ABCA1: variants seen among roughly 807,000 people sequenced by gnomAD.
ABCA1 encodes the protein phospholipid-transporting ATPase ABCA1.
A neutral mutation model predicts 262.5 loss-of-function variants in ABCA1; 133 were observed. The observed-to-expected ratio is 0.51, with a 90% CI of 0.44 to 0.59. The LOEUF (loss-of-function observed/expected upper bound fraction) is 0.59, where lower values mean the gene tolerates loss of function less well. Among genes scored for constraint, ABCA1 ranks in the 20% least tolerant of loss-of-function variants. ABCA1 has a pLI of 0.00. For synonymous variants in ABCA1, 1,022 were observed against 1,043.5 expected (o/e 0.98, Z 0.40); for missense variants, 2,452 against 2,777.5 (o/e 0.88, Z 2.63).
At chr9:104,861,451 AATTTT>A (rs1836375315) in intron 6 of ABCA1, 2 of 611,212 alleles carry the variant, frequency 3.3e-6, no homozygotes, top group Admixed American at 5.9e-5. Flanking sequence ...GCCAGAAATC[AATTTT>A]ATTTTAACCA....
chr9:104,903,543 C>T (rs1840838492), intron 2 of ABCA1, 71 bp downstream of exon 2: 2 of 1,471,642 alleles, frequency 1.4e-6, no homozygotes, highest in African/African-American at 1.4e-5. Flanking sequence ...TCCCTCCCTC[C>T]TCCAATCCCC....
chr9:104,832,558 C>T lies in ABCA1; in HGVS notation c.1509+16G>A. 3 of 1,613,928 alleles carry T rather than the reference C, an allele frequency of 1.9e-6. No individual in the cohort carries two copies. In the East Asian group the frequency reaches 6.7e-5, roughly 36 times the overall value. The stretch of plus-strand genomic sequence containing the variant: ...GCCGTTAAGTCTTTTCTAAATGATC[C>T]CAGCAACAGATTCACCTCCATGAAG... On this transcript the variant is annotated intron_variant, in intron 12 of 49. Transcript: ENST00000374736.
At chr9:104,826,777 A>T (rs920136968) in intron 16 of ABCA1, among the ~76,000 whole-genome samples, 171 bp downstream of exon 16, 1 of 152,242 alleles carries the variant, frequency 6.6e-6, no homozygotes, top group Non-Finnish European at 1.5e-5. Flanking sequence ...AAACAATTTA[A>T]TAAAACACAA....
At chr9:104,873,509 A>G (rs1040229846) in intron 5 of ABCA1, among the ~76,000 whole-genome samples, 1 of 152,186 alleles carries the variant, frequency 6.6e-6, no homozygotes, top group Non-Finnish European at 1.5e-5. Flanking sequence ...CAGCCAGCCC[A>G]TGCCCCATGT....
intron 7 of ABCA1, among the ~76,000 whole-genome samples, chr9:104,852,491 A>G (rs955818548): frequency 6.6e-5 from 10 of 152,234 alleles, no homozygotes; most frequent in African/African-American, 2.4e-4. Context: ...ATCTACTACC[A>G]CATAATTCAG....
intron 2 of ABCA1, among the ~76,000 whole-genome samples, chr9:104,891,819 G>A (rs1212924394): frequency 2.0e-5 from 3 of 151,492 alleles, no homozygotes; most frequent in Admixed American, 6.6e-5. Context: ...TACAAAATTA[G>A]CCGGGCGTGG....
Position 104,821,441 on chromosome 9 carries a change from C to A in ABCA1, c.2894G>T (p.Arg965Leu). 1.2e-6 allele frequency: 2 copies of A among 1,614,082 alleles called. No homozygotes were observed. Among genetic ancestry groups the A allele is most frequent in the South Asian group, 2.2e-5 (2 of 91,080 alleles). The change falls in exon 20 of 50, where the codon CGC becomes CTC. Residue 965 changes from arginine to leucine, a missense_variant. Coordinates refer to ENST00000374736, the MANE Select transcript of ABCA1 (RefSeq NM_005502.4). Reference protein sequence around the residue: ...GTAYILGKDIRSEMSTIRQNL... With the variant: ...GTAYILGKDILSEMSTIRQNL... ...CTGCCGGATGGTGCTCATCTCAGAG[C>A]GAATGTCTTTTCCCAGGATGTAGGC...
In ABCA1 at chr9:104,903,629, G is replaced by A; in HGVS notation, c.51C>T (p.Phe17=). ...LRLLLWKNLT[F]RRRQTCQLLL... Reference sequence around the variant, plus strand: ...CCAAGCTTACTGTTTGTCTTCTTCTGAAAGTGAGGTTCTTCCACAGCAGCA... The same window carrying A: ...CCAAGCTTACTGTTTGTCTTCTTCTAAAAGTGAGGTTCTTCCACAGCAGCA... Residue 17 remains phenylalanine, a synonymous_variant, in exon 2 of 50, where the codon TTC becomes TTT. Coordinates refer to ENST00000374736, the MANE Select transcript of ABCA1 (RefSeq NM_005502.4). The A allele has an allele frequency of 6.3e-7, 1 of 1,589,196 alleles. No homozygotes were observed. Among genetic ancestry groups the A allele is most frequent in the Non-Finnish European group, 8.6e-7 (1 of 1,167,152 alleles).
chr9:104,924,226 C>G (rs913241005), intron 1 of ABCA1, among the ~76,000 whole-genome samples: 1 of 152,148 alleles, frequency 6.6e-6, no homozygotes, highest in Non-Finnish European at 1.5e-5. Context: ...AACAAGTGTT[C>G]AGAATGATCT....
chr9:104,907,883 T>G (rs911964064), intron 1 of ABCA1, among the ~76,000 whole-genome samples: 2 of 152,184 alleles, frequency 1.3e-5, no homozygotes, highest in African/African-American at 4.8e-5. Context: ...CTTGCCAAAA[T>G]GTGACAATCT....
At position 104,791,992 on chromosome 9, in the gene ABCA1, T is replaced by C; in HGVS notation, c.5764A>G (p.Arg1922Gly). 1 of 1,613,094 alleles carries C rather than the reference T, an allele frequency of 6.2e-7. No homozygotes were observed. Among genetic ancestry groups the C allele is most frequent in the Non-Finnish European group, 8.5e-7 (1 of 1,179,624 alleles). The stretch of plus-strand genomic sequence containing the variant: ...TCAACAGCAGGCTTCCGCTTCCTTC[T>C]ATATATCTGCAACAAACAAAATGTA... ...LEIKELTKIY[R>G]RKRKPAVDRI... The change falls in exon 43 of 50, where the codon AGA becomes GGA. Residue 1922 changes from arginine (R) to glycine (G), a missense_variant. Arg to Gly is a moderately radical substitution (Grantham distance 125). Coordinates refer to ENST00000374736, the MANE Select transcript of ABCA1 (RefSeq NM_005502.4).
At chr9:104,808,724 C>T (rs79117604) in intron 30 of ABCA1, among the ~76,000 whole-genome samples, 178 of 152,322 alleles carry the variant, frequency 1.2e-3, no homozygotes, top group African/African-American at 4.1e-3. Context: ...TTTGCCCCCT[C>T]TCCAATTCTC....
At chr9:104,858,727 A>G (rs1326647428) in intron 6 of ABCA1, 29 bp from the exon 7 acceptor site, 4 of 1,612,828 alleles carry the variant, frequency 2.5e-6, no homozygotes, top group Non-Finnish European at 3.4e-6. Context: ...AAGAGAGACA[A>G]GCACAAGAGG....
chr9:104,796,265 A>C lies in ABCA1; in HGVS notation c.5237+44T>G, dbSNP rs755452546. 4 of 1,613,786 alleles carry C rather than the reference A, an allele frequency of 2.5e-6. No homozygotes were observed. The Admixed American group carries it at 6.7e-5, about 27-fold the overall frequency. On this transcript the variant is annotated intron_variant, in intron 38 of 49. Coordinates refer to ENST00000374736, the MANE Select transcript of ABCA1 (RefSeq NM_005502.4). ...CCCTCCTTCTGACACTGGGCACCAAATGCCTTATCCACTGTGCAGCTCCCT... is the reference window on the plus strand; with the variant it reads ...CCCTCCTTCTGACACTGGGCACCAACTGCCTTATCCACTGTGCAGCTCCCT...
intron 35 of ABCA1, 49 bp from the exon 36 acceptor site, chr9:104,800,037 C>T: frequency 6.2e-7 from 1 of 1,611,452 alleles, no homozygotes; most frequent in African/African-American, 1.3e-5. Flanking sequence ...AACCGGGCTC[C>T]TGCAGGCAGG....
At chr9:104,837,969 A>G (rs531104781) in intron 9 of ABCA1, among the ~76,000 whole-genome samples, 1 of 152,296 alleles carries the variant, frequency 6.6e-6, no homozygotes, top group African/African-American at 2.4e-5. Flanking sequence ...CATGACCAAC[A>G]TTTAAACTGA....
intron 5 of ABCA1, among the ~76,000 whole-genome samples, chr9:104,881,581 A>C (rs553648325): frequency 3.6e-4 from 55 of 152,310 alleles, no homozygotes; most frequent in Non-Finnish European, 6.2e-4. Flanking sequence ...AGTGGCTGAA[A>C]GGGTGCTAAC....
At chr9:104,920,568 G>T (rs964496515) in intron 1 of ABCA1, among the ~76,000 whole-genome samples, 1 of 152,188 alleles carries the variant, frequency 6.6e-6, no homozygotes, top group Non-Finnish European at 1.5e-5. Context: ...GCTCTGTGCA[G>T]TGGCACCATC....
In ABCA1 at chr9:104,783,255, T is replaced by C. The variant is rs1484309195; in HGVS notation, c.*1060A>G. On this transcript the variant is annotated 3_prime_UTR_variant, in exon 50 of 50. Transcript: ENST00000374736. ...AGGATTCAGAAGTCACTGATAGAACTTAAAATTCCAAATAACATTAAAAAG... is the reference window on the plus strand; with the variant it reads ...AGGATTCAGAAGTCACTGATAGAACCTAAAATTCCAAATAACATTAAAAAG... 3.9e-5 allele frequency: 6 copies of C among 152,346 alleles called. No homozygotes were observed. In the East Asian group the frequency reaches 1.2e-3, roughly 29 times the overall value. The allele number at this position is 152,346 out of a possible 1,614,324, so 9.4% of individuals were successfully genotyped here. A position where few individuals can be genotyped will look rare whatever the true frequency, so the allele number is the denominator to read the frequency against.
Sources: allele counts gnomAD v4.1 joint callset (sites outside exome capture counted in the v4.1 genomes callset), GRCh38; gene constraint gnomAD v4.1.1; transcripts MANE v1.5; gene names NCBI Gene and HGNC (gene_info 2026-07-23, HGNC 2026-07-21).